SCN8A: variants seen among roughly 807,000 people sequenced by gnomAD.
SCN8A encodes sodium voltage-gated channel alpha subunit 8, also known as sodium channel protein type 8 subunit alpha.
In SCN8A, 30 loss-of-function variants were observed where a neutral mutation model predicts 184.1. The observed-to-expected ratio is 0.16, with a 90% CI of 0.12 to 0.22. The LOEUF (loss-of-function observed/expected upper bound fraction) is 0.22. Among genes scored for constraint, SCN8A ranks in the 10% least tolerant of loss-of-function variants. The probability of loss-of-function intolerance (pLI) is 1.00; values close to 1 mark genes in which losing one functional copy is unlikely to be tolerated. For synonymous variants in SCN8A, 852 were observed against 907.0 expected (o/e 0.94, Z 1.09); for missense variants, 1,057 against 2,498.9 (o/e 0.42, Z 12.30).
rs1226502524 is a variant in SCN8A at position 51,696,127 on chromosome 12, A to G, written c.707-3443A>G. ...AAGACAGCTTACAGCTCATTTCTCA[A>G]TTCAGTAAAATAGCAATGGTAAAGT... On this transcript the variant is annotated intron_variant, in intron 6 of 26. Transcript: ENST00000627620. 2.0e-5 allele frequency among the ~76,000 whole-genome samples: 3 copies of G among 152,340 alleles called. No homozygotes were observed. The East Asian group carries it at 5.8e-4, about 29-fold the overall frequency.
At chr12:51,662,401 G>C (rs553356163) in intron 1 of SCN8A, among the ~76,000 whole-genome samples, 23 of 152,292 alleles carry the variant, frequency 1.5e-4, no homozygotes, top group Admixed American at 1.4e-3. Context: ...GACTTGAACT[G>C]TAAGGACTTC....
At chr12:51,648,134 A>C (rs1940631825) in intron 1 of SCN8A, among the ~76,000 whole-genome samples, 1 of 152,214 alleles carries the variant, frequency 6.6e-6, no homozygotes, top group Non-Finnish European at 1.5e-5. Context: ...TTATCACAGG[A>C]AGAATTTTTT....
chr12:51,656,421 C>G lies in SCN8A; in HGVS notation c.-54-6343C>G, dbSNP rs139488150. Reference sequence around the variant, plus strand: ...ACAGATTTCCTAGAATAAAAAAGTACTAACATGAAGGAAAAGACTGATAGA... The same window carrying G: ...ACAGATTTCCTAGAATAAAAAAGTAGTAACATGAAGGAAAAGACTGATAGA... On this transcript the variant is annotated intron_variant, in intron 1 of 26. Coordinates refer to ENST00000627620, the MANE Select transcript of SCN8A (RefSeq NM_001330260.2). Among the ~76,000 whole-genome samples, 350 of 152,120 alleles carry G rather than the reference C, an allele frequency of 2.3e-3. 18 individuals carry two copies. In the East Asian group the frequency reaches 0.06, roughly 26 times the overall value.
chr12:51,717,086 A>G (rs897062457), intron 11 of SCN8A, among the ~76,000 whole-genome samples: 1 of 150,102 alleles, frequency 6.7e-6, no homozygotes, highest in Non-Finnish European at 1.5e-5. Flanking sequence ...TTTCCCCCTC[A>G]CTCCTTCTGC....
chr12:51,675,310 T>C (rs1941204547), intron 2 of SCN8A, among the ~76,000 whole-genome samples: 1 of 152,132 alleles, frequency 6.6e-6, no homozygotes, highest in Non-Finnish European at 1.5e-5. Context: ...TGGCAGCTAC[T>C]CCAAATGTAG....
chr12:51,684,500 T>C (rs752854858), intron 3 of SCN8A, among the ~76,000 whole-genome samples: 8 of 152,166 alleles, frequency 5.3e-5, no homozygotes, highest in Non-Finnish European at 8.8e-5. Flanking sequence ...GATGATATTG[T>C]GGGAATCTGA....
intron 2 of SCN8A, among the ~76,000 whole-genome samples, chr12:51,682,130 A>G (rs1230449483): frequency 6.6e-6 from 1 of 152,186 alleles, no homozygotes; most frequent in Non-Finnish European, 1.5e-5. Context: ...GTTGCATTAC[A>G]TTGGTTGATT....
chr12:51,657,095 A>G (rs139223128), intron 1 of SCN8A, among the ~76,000 whole-genome samples: 150 of 152,284 alleles, frequency 9.9e-4, no homozygotes, highest in African/African-American at 3.4e-3. Flanking sequence ...AAAGAATTCA[A>G]TGTCCATCAA....
chr12:51,620,995 G>A (rs1214884837), intron 1 of SCN8A, among the ~76,000 whole-genome samples: 4 of 151,964 alleles, frequency 2.6e-5, no homozygotes, highest in East Asian at 3.9e-4. Flanking sequence ...TCAAAAAAAC[G>A]TGGGGCCTCA....
intron 13 of SCN8A, among the ~76,000 whole-genome samples, chr12:51,746,611 C>T (rs1942515467): frequency 6.6e-6 from 1 of 152,150 alleles, no homozygotes; most frequent in African/African-American, 2.4e-5. Flanking sequence ...GTGCTCCATG[C>T]CACAGGGAAA....
chr12:51,642,701 A>G (rs1592349192), intron 1 of SCN8A, among the ~76,000 whole-genome samples: 1 of 151,084 alleles, frequency 6.6e-6, no homozygotes, highest in Non-Finnish European at 1.5e-5. Context: ...TATCACCCCC[A>G]TGGTTGAAGC....
chr12:51,646,381 C>G (rs567180479), intron 1 of SCN8A, among the ~76,000 whole-genome samples: 3 of 152,216 alleles, frequency 2.0e-5, no homozygotes, highest in Admixed American at 2.0e-4. Context: ...ACAATACTTA[C>G]ATAAATATGG....
chr12:51,788,198 A>G (rs926592944), intron 22 of SCN8A, among the ~76,000 whole-genome samples: 9 of 151,494 alleles, frequency 5.9e-5, no homozygotes, highest in African/African-American at 2.2e-4. Context: ...TACATAGGCT[A>G]TACATGTGTA....
chr12:51,770,725 A>G (rs1487002271), intron 19 of SCN8A, 42 bp downstream of exon 19: 2 of 1,600,848 alleles, frequency 1.2e-6, no homozygotes, highest in African/African-American at 1.3e-5. Context: ...TGGCTGGGGA[A>G]GGGTGTAGAG....
chr12:51,761,633 C>T (rs1345286571), intron 14 of SCN8A, among the ~76,000 whole-genome samples: 3 of 151,852 alleles, frequency 2.0e-5, no homozygotes, highest in African/African-American at 7.3e-5. Context: ...GTACCATAGG[C>T]GCCCACCACC....
intron 14 of SCN8A, among the ~76,000 whole-genome samples, chr12:51,752,676 G>T (rs892225984): frequency 6.6e-6 from 1 of 152,144 alleles, no homozygotes; most frequent in Non-Finnish European, 1.5e-5. Context: ...GGAATGCCCG[G>T]AGTCTTGAAA....
chr12:51,612,677 A>G (rs1565859277), intron 1 of SCN8A, among the ~76,000 whole-genome samples: 2 of 152,154 alleles, frequency 1.3e-5, no homozygotes, highest in Admixed American at 6.5e-5. Flanking sequence ...TCTGGGGTAA[A>G]TGCCACTTGG....
chr12:51,668,631 G>A (rs952919603), intron 2 of SCN8A, among the ~76,000 whole-genome samples: 1 of 152,034 alleles, frequency 6.6e-6, no homozygotes, highest in African/African-American at 2.4e-5. Context: ...TGCTTCTGGG[G>A]GAAAGGATTC....
chr12:51,646,235 G>T (rs1940587295), intron 1 of SCN8A, among the ~76,000 whole-genome samples: 1 of 152,190 alleles, frequency 6.6e-6, no homozygotes, highest in Non-Finnish European at 1.5e-5. Flanking sequence ...CAGTTAGACG[G>T]TTGCTATGGT....
Sources: allele counts gnomAD v4.1 joint callset (sites outside exome capture counted in the v4.1 genomes callset), GRCh38; gene constraint gnomAD v4.1.1; transcripts MANE v1.5; gene names NCBI Gene and HGNC (gene_info 2026-07-23, HGNC 2026-07-21).